CALB2: variants seen among roughly 807,000 people sequenced by gnomAD.
CALB2 encodes the protein calretinin.
In CALB2, 34 loss-of-function variants were observed where a neutral mutation model predicts 45.9. The ratio of observed to expected loss-of-function variants is 0.74; its 90% confidence interval spans 0.56 to 0.99. CALB2 has a LOEUF of 0.99. Among genes scored for constraint, CALB2 ranks in the 50% least tolerant of loss-of-function variants. The pLI is 0.00. For missense variants in CALB2, 344 were observed against 339.3 expected (o/e 1.01, Z -0.11); for synonymous variants, 142 against 129.6 (o/e 1.10, Z -0.65).
In CALB2 at chr16:71,378,117, G is replaced by A. The variant is rs185130197; in HGVS notation, c.342+370G>A. On this transcript the variant is annotated intron_variant, in intron 4 of 10. Transcript: ENST00000302628. ...CGGGCACCTGTAATCCCAGCTATTC[G>A]GGAAGCTGAGGCAGGAGAATCACTT... Among the ~76,000 whole-genome samples, 62 of 152,196 alleles carry A rather than the reference G, an allele frequency of 4.1e-4. No individual in the cohort carries two copies. The East Asian group carries it at 0.01, about 26-fold the overall frequency.
At chr16:71,363,443 G>A (rs1038180586) in intron 1 of CALB2, among the ~76,000 whole-genome samples, 2 of 152,190 alleles carry the variant, frequency 1.3e-5, no homozygotes, top group African/African-American at 4.8e-5. Context: ...AAGGGCTGAG[G>A]ATGGCTCTAC....
intron 4 of CALB2, among the ~76,000 whole-genome samples, chr16:71,378,967 G>A (rs1194753914): frequency 3.3e-5 from 5 of 152,084 alleles, no homozygotes; most frequent in East Asian, 1.9e-4. Context: ...ATAAGGTTTC[G>A]GTTTTCCTTT....
chr16:71,380,126 T>C (rs540251422), intron 4 of CALB2, among the ~76,000 whole-genome samples: 32 of 152,024 alleles, frequency 2.1e-4, no homozygotes, highest in Admixed American at 1.6e-3. Context: ...CCACCTCTGG[T>C]CTGGAAACAG....
intron 10 of CALB2, among the ~76,000 whole-genome samples, chr16:71,388,861 CAG>C (rs2042602800): frequency 6.6e-6 from 1 of 151,558 alleles, no homozygotes; most frequent in Admixed American, 6.6e-5. Flanking sequence ...GGCATAGTGA[CAG>C]GTGCCTGTAA....
At chr16:71,387,170 G>A (rs2042579965) in intron 10 of CALB2, among the ~76,000 whole-genome samples, 1 of 152,188 alleles carries the variant, frequency 6.6e-6, no homozygotes, top group South Asian at 2.1e-4. Context: ...AGAGTGACCT[G>A]AATTTCCTGG....
At chr16:71,385,095 C>T (rs140706706) in intron 9 of CALB2, among the ~76,000 whole-genome samples, 3 of 152,266 alleles carry the variant, frequency 2.0e-5, no homozygotes, top group African/African-American at 7.2e-5. Flanking sequence ...GGTGTGACCA[C>T]GCTGTCGGGA....
At position 71,390,129 on chromosome 16, in the gene CALB2, A is replaced by G. The variant is rs2042621036; in HGVS notation, c.*264A>G. On this transcript the variant is annotated 3_prime_UTR_variant, in exon 11 of 11. Coordinates refer to ENST00000302628, the MANE Select transcript of CALB2 (RefSeq NM_001740.5). ...TGGGGGCATGGGTGGAGGGTCCCTA[A>G]TTCTCTTCGCTGTGATGCATGAGCT... 2.4e-6 allele frequency: 1 copy of G among 419,744 alleles called. No homozygotes were observed. Among genetic ancestry groups the G allele is most frequent in the African/African-American group, 2.0e-5 (1 of 50,584 alleles). 26.0% of individuals were successfully genotyped at this position (419,744 alleles called of 1,614,324 possible).
At chr16:71,368,471 G>T (rs2042311799) in intron 1 of CALB2, among the ~76,000 whole-genome samples, 1 of 152,166 alleles carries the variant, frequency 6.6e-6, no homozygotes, top group Non-Finnish European at 1.5e-5. Context: ...TCCAGCCACT[G>T]CACTCCAACC....
chr16:71,389,983 C>A lies in CALB2; in HGVS notation c.*118C>A, dbSNP rs1350002705. 1 of 691,148 alleles carries A rather than the reference C, an allele frequency of 1.4e-6. No homozygotes were observed. The highest frequency in any genetic ancestry group is 2.2e-5 in the Admixed American group (1 of 46,084). The allele number at this position is 691,148 out of a possible 1,614,324, so 42.8% of individuals were successfully genotyped here. A position where few individuals can be genotyped will look rare whatever the true frequency, so the allele number is the denominator to read the frequency against. ...CCCCCACCCCTACAGCCTGCACACA[C>A]CTGCCTGCAGAGCAGGAAATGAGAG... On this transcript the variant is annotated 3_prime_UTR_variant, in exon 11 of 11. Transcript: ENST00000302628.
At position 71,358,785 on chromosome 16, in the gene CALB2, G is replaced by A; in HGVS notation, c.-8G>A. 1 of 1,600,500 alleles carries A rather than the reference G, an allele frequency of 6.2e-7. No individual in the cohort carries two copies. Among genetic ancestry groups the A allele is most frequent in the African/African-American group, 1.3e-5 (1 of 74,816 alleles). On this transcript the variant is annotated 5_prime_UTR_variant, in exon 1 of 11. Coordinates refer to ENST00000302628, the MANE Select transcript of CALB2 (RefSeq NM_001740.5). ...GCGGTGCAGGCTGAGGTCTCCGAGC[G>A]GCTCGCCATGGCTGGCCCGCAGCAG...
chr16:71,359,753 T>A (rs1206856264), intron 1 of CALB2, among the ~76,000 whole-genome samples: 1 of 152,314 alleles, frequency 6.6e-6, no homozygotes, highest in South Asian at 2.1e-4. Context: ...TTAGAGGCTT[T>A]TGATATCACT....
Position 71,389,842 on chromosome 16 carries a change from C to A in CALB2, c.793C>A (p.Leu265Ile), listed in dbSNP as rs767492769. 1.2e-6 allele frequency: 2 copies of A among 1,613,496 alleles called. No homozygotes were observed. The highest frequency in any genetic ancestry group is 1.3e-5 in the African/African-American group (1 of 75,024). The stretch of plus-strand genomic sequence containing the variant: ...CTACCGCAAGGACCTGGAGATTGTG[C>A]TCTGCAGCGAGCCCCCCATGTAAAG... ...KLYRKDLEIV[L>I]CSEPPM The change falls in exon 11 of 11, where the codon CTC becomes ATC. Residue 265 changes from leucine (L) to isoleucine (I), a missense_variant. Leu to Ile is a conservative substitution (Grantham distance 5). This residue lies in a region of CALB2 where 263 missense variants were observed against 241.7 expected (regional missense o/e 1.09). Coordinates refer to ENST00000302628, the MANE Select transcript of CALB2 (RefSeq NM_001740.5).
At chr16:71,366,517 G>C (rs141012273) in intron 1 of CALB2, among the ~76,000 whole-genome samples, 1,655 of 150,928 alleles carry the variant, frequency 0.011, 37 homozygotes, top group African/African-American at 0.039. Flanking sequence ...TTTTAGTAGA[G>C]ATGGGGTTTC....
intron 1 of CALB2, among the ~76,000 whole-genome samples, chr16:71,368,122 C>G (rs183806314): frequency 9.8e-5 from 15 of 152,336 alleles, no homozygotes; most frequent in African/African-American, 3.4e-4. Flanking sequence ...TGCTTATTAT[C>G]TGTCCCCTGC....
intron 3 of CALB2, among the ~76,000 whole-genome samples, chr16:71,376,743 A>G (rs1220120088): frequency 6.6e-6 from 1 of 152,026 alleles, no homozygotes; most frequent in Non-Finnish European, 1.5e-5. Flanking sequence ...ATTCAACCAC[A>G]CACACCCCCA....
chr16:71,383,331 G>C, intron 5 of CALB2, 36 bp from the exon 6 acceptor site: 1 of 1,588,038 alleles, frequency 6.3e-7, no homozygotes, highest in East Asian at 2.2e-5. Flanking sequence ...CCGAATGCAC[G>C]AGTCAGGAGT....
chr16:71,363,947 C>T (rs1258101194), intron 1 of CALB2, among the ~76,000 whole-genome samples: 2 of 152,234 alleles, frequency 1.3e-5, no homozygotes, highest in African/African-American at 2.4e-5. Context: ...CTCAGCTGGG[C>T]GTGGCGTGAT....
intron 3 of CALB2, among the ~76,000 whole-genome samples, chr16:71,376,254 C>T (rs924729605): frequency 2.0e-5 from 3 of 152,186 alleles, no homozygotes; most frequent in Non-Finnish European, 4.4e-5. Flanking sequence ...TCTTATAAAA[C>T]TTTACAAACA....
At position 71,383,454 on chromosome 16, in the gene CALB2, C is replaced by T. The variant is rs932879862; in HGVS notation, c.477+10C>T. 3 of 1,613,138 alleles carry T rather than the reference C, an allele frequency of 1.9e-6. No homozygotes were observed. Among genetic ancestry groups the T allele is most frequent in the Admixed American group, 1.7e-5 (1 of 59,982 alleles). On this transcript the variant is annotated intron_variant, in intron 6 of 10. Transcript: ENST00000302628. ...ATACACCCAAACCATAGTGAGTGAA[C>T]AGAAGTGTCCCTCTCCCCCAGGGTG...
Sources: gnomAD v4.1 joint callset for allele counts (sites outside exome capture counted in the v4.1 genomes callset) on GRCh38, gnomAD v4.1.1 for gene constraint, gnomAD v4.1.1 regional missense constraint, MANE v1.5 for transcripts, NCBI Gene and HGNC (gene_info 2026-07-23, HGNC 2026-07-21) for gene names.